Variants in LRP2 observed in about 807,000 individuals in gnomAD.
The protein encoded by LRP2 is low-density lipoprotein receptor-related protein 2.
In LRP2, 172 loss-of-function variants were observed where a neutral mutation model predicts 531.0. The observed-to-expected ratio is 0.32, with a 90% confidence interval of 0.29 to 0.37. The LOEUF is 0.37. Ranked by LOEUF, LRP2 falls within the 10% of genes least tolerant of loss-of-function variation. The pLI is 1.00. For missense variants in LRP2, 5,167 were observed against 5,868.3 expected, an observed-to-expected ratio of 0.88 and a Z score of 3.90; for synonymous variants, 1,992 against 2,027.6, an observed-to-expected ratio of 0.98 and a Z score of 0.47.
rs750361885 is a variant in LRP2, at chr2:169,201,675, C to G, written c.8405G>C (p.Gly2802Ala). Residue 2802 changes from glycine (G) to alanine (A), a missense_variant, in exon 44 of 79, where the codon GGT becomes GCT. By Grantham distance (60) the Gly-to-Ala change is moderately conservative. This residue lies in a region of LRP2 where 1,129 missense variants were observed against 1,362.7 expected (regional missense o/e 0.83). Transcript: ENST00000649046. ...GTTATTATCATGGCAGTTGTCTACA[C>G]CATTGCAGATAAACTCACGAGGTAT... ...RCIPREFICN[G>A]VDNCHDNNTS... 3.7e-6 allele frequency: 6 copies of G among 1,614,146 alleles called. No individual in the cohort carries two copies. In the South Asian group the frequency reaches 5.5e-5, roughly 15 times the overall value.
chr2:169,243,030 T>C lies in LRP2; in HGVS notation c.3593A>G (p.Asp1198Gly), dbSNP rs1222830359. The C allele has an allele frequency of 3.7e-6, 6 of 1,614,024 alleles. No homozygotes were observed. Among genetic ancestry groups the C allele is most frequent in the Non-Finnish European group, 4.2e-6 (5 of 1,180,002 alleles). ...ACGATTTGTGACGCCAATACATTTA[T>C]CCCCACTGGCACACTTGAATTGAGA... ...TASQFKCASG[D>G]KCIGVTNRCD... The change falls in exon 24 of 79, where the codon GAT becomes GGT. Residue 1198 changes from aspartate (D) to glycine (G), a missense_variant. By Grantham distance (94) the Asp-to-Gly change is moderately conservative. Coordinates refer to ENST00000649046, the MANE Select transcript of LRP2 (RefSeq NM_004525.3).
chr2:169,137,303 G>T, intron 76 of LRP2, 89 bp downstream of exon 76: 1 of 977,958 alleles, frequency 1.0e-6, no homozygotes, highest in Non-Finnish European at 1.7e-6. Context: ...CCCTTTGGAG[G>T]GAAGGTTAGG....
chr2:169,240,961 C>A (rs376669991), intron 25 of LRP2, 27 bp downstream of exon 25: 1 of 1,607,124 alleles, frequency 6.2e-7, no homozygotes, highest in Non-Finnish European at 8.5e-7. Context: ...GAGTTTATGG[C>A]CAGTAAACTG....
chr2:169,317,570 G>C (rs984329197), intron 3 of LRP2, among the ~76,000 whole-genome samples: 1 of 152,204 alleles, frequency 6.6e-6, no homozygotes, highest in South Asian at 2.1e-4. Context: ...CTATAGTTAG[G>C]CTTCTTATTA....
chr2:169,240,956 T>C, intron 25 of LRP2, 32 bp downstream of exon 25: 4 of 1,606,422 alleles, frequency 2.5e-6, no homozygotes, highest in African/African-American at 1.3e-5. Flanking sequence ...AGAATGAGTT[T>C]ATGGCCAGTA....
At chr2:169,134,584 T>C (rs112430191) in intron 76 of LRP2, among the ~76,000 whole-genome samples, 3 of 152,304 alleles carry the variant, frequency 2.0e-5, no homozygotes, top group Admixed American at 6.5e-5. Flanking sequence ...GGCTATGCTA[T>C]AGTATCTTCC....
chr2:169,302,487 C>T (rs1276358917), intron 4 of LRP2, among the ~76,000 whole-genome samples: 1 of 152,090 alleles, frequency 6.6e-6, no homozygotes, highest in South Asian at 2.1e-4. Flanking sequence ...CGTCCAGAGA[C>T]ATTTTGGATT....
At position 169,298,967 on chromosome 2, in the gene LRP2, C is replaced by G. The variant is rs559142988; in HGVS notation, c.428-4257G>C. ...ATATACAAGGAAAAAAACAGAGAAG[C>G]ATATCCTTCCCCAGTCCAAAAGTAA... On this transcript the variant is annotated intron_variant, in intron 4 of 78. Transcript: ENST00000649046. 6.1e-4 allele frequency among the ~76,000 whole-genome samples: 92 copies of G among 151,494 alleles called. 1 individual carries two copies. Among genetic ancestry groups the G allele is most frequent in the African/African-American group, 2.2e-3 (89 of 41,296 alleles).
chr2:169,338,404 G>GAAAGAAAGAAAGA (rs1553516032), intron 1 of LRP2, among the ~76,000 whole-genome samples: 1,476 of 104,044 alleles, frequency 0.014, 22 homozygotes, highest in East Asian at 0.053. Context: ...AAGAAAGAAA[G>GAAAGAAAGAAAGA]AAAGAAAAGA....
At chr2:169,158,055 A>T in intron 63 of LRP2, among the ~76,000 whole-genome samples, 1 of 98,398 alleles carries the variant, frequency 1.0e-5, no homozygotes, top group African/African-American at 4.6e-5. Flanking sequence ...TGACCAATTG[A>T]TTATATACAC....
chr2:169,214,904 T>G (rs993310543), intron 35 of LRP2, among the ~76,000 whole-genome samples: 7 of 152,086 alleles, frequency 4.6e-5, no homozygotes, highest in Non-Finnish European at 8.8e-5. Flanking sequence ...TGGGCATGAG[T>G]GACAGGCTGA....
chr2:169,313,673 G>A (rs1484347434), intron 3 of LRP2, among the ~76,000 whole-genome samples: 1 of 152,150 alleles, frequency 6.6e-6, no homozygotes, highest in African/African-American at 2.4e-5. Flanking sequence ...CCCACTTGAG[G>A]TAGTCTGTCC....
At chr2:169,129,916 G>A (rs1685223529) in intron 77 of LRP2, among the ~76,000 whole-genome samples, 2 of 152,232 alleles carry the variant, frequency 1.3e-5, no homozygotes, top group South Asian at 4.1e-4. Context: ...CAGGAGCTGA[G>A]GGAGCCCACA....
chr2:169,188,325 C>T, intron 48 of LRP2, 60 bp from the exon 49 acceptor site: 1 of 1,549,490 alleles, frequency 6.5e-7, no homozygotes, highest in Non-Finnish European at 8.9e-7. Context: ...CAACTATTAC[C>T]CACTTGGGGT....
chr2:169,361,663 G>GC (rs1354850402), intron 1 of LRP2, among the ~76,000 whole-genome samples: 1 of 152,056 alleles, frequency 6.6e-6, no homozygotes, highest in Non-Finnish European at 1.5e-5. Flanking sequence ...ATGCAGACGG[G>GC]CCCCATTCAT....
intron 33 of LRP2, among the ~76,000 whole-genome samples, chr2:169,223,279 G>A (rs1247357132): frequency 2.0e-5 from 3 of 152,112 alleles, no homozygotes; most frequent in South Asian, 2.1e-4. Context: ...ACACATGCAC[G>A]CTCAGTTATT....
chr2:169,337,354 C>A (rs764610694), intron 1 of LRP2, among the ~76,000 whole-genome samples: 1 of 152,154 alleles, frequency 6.6e-6, no homozygotes, highest in Non-Finnish European at 1.5e-5. Flanking sequence ...GGGCTCCTAA[C>A]ATCGTACCAC....
At chr2:169,237,063 A>T (rs761043620) in intron 28 of LRP2, 40 bp downstream of exon 28, 1 of 1,529,494 alleles carries the variant, frequency 6.5e-7, no homozygotes, top group Non-Finnish European at 9.1e-7. Context: ...CCCTCATCAT[A>T]ACCATGTCAA....
chr2:169,132,807 C>G, intron 76 of LRP2, 126 bp from the exon 77 acceptor site: 1 of 694,318 alleles, frequency 1.4e-6, no homozygotes, highest in Non-Finnish European at 2.7e-6. Context: ...TCATCAGGCA[C>G]CATTTTTATT....
Sources: gnomAD v4.1 joint callset for allele counts (sites outside exome capture counted in the v4.1 genomes callset) on GRCh38, gnomAD v4.1.1 for gene constraint, gnomAD v4.1.1 regional missense constraint, MANE v1.5 for transcripts, NCBI Gene and HGNC (gene_info 2026-07-23, HGNC 2026-07-21) for gene names.